Variants in CAMTA1 observed in about 807,000 individuals in gnomAD.
The protein encoded by CAMTA1 is calmodulin-binding transcription activator 1.
A neutral mutation model predicts 170.9 loss-of-function variants in CAMTA1; 27 were observed. That is an observed-to-expected ratio of 0.16 (90% CI 0.12 to 0.22). CAMTA1 has a LOEUF of 0.22. Ranked by LOEUF, CAMTA1 falls within the 10% of genes least tolerant of loss-of-function variation. CAMTA1 has a pLI of 1.00. For synonymous variants in CAMTA1, 833 were observed against 891.5 expected (o/e 0.93, Z 1.17); for missense variants, 1,619 against 2,217.2 (o/e 0.73, Z 5.42).
chr1:6,995,295 C>CTTTTCTTTTTTTTTTTTTTTTTTTTTTTT (rs1697047615), intron 3 of CAMTA1, among the ~76,000 whole-genome samples: 3 of 60,622 alleles, frequency 4.9e-5, no homozygotes, highest in Non-Finnish European at 5.8e-5. Flanking sequence ...TTTTTCTTTT[C>CTTTTCTTTTTTTTTTTTTTTTTTTTTTTT]TTTTTTTTTT....
intron 5 of CAMTA1, among the ~76,000 whole-genome samples, chr1:7,304,077 A>T (rs991191283): frequency 3.9e-5 from 3 of 76,986 alleles, no homozygotes; most frequent in Admixed American, 1.5e-4. Flanking sequence ...AGGGAGATGA[A>T]GAGTTATTGC....
chr1:7,236,843 G>A (rs556366251), intron 4 of CAMTA1, among the ~76,000 whole-genome samples: 1 of 152,342 alleles, frequency 6.6e-6, no homozygotes, highest in African/African-American at 2.4e-5. Context: ...CAGAAAGAAA[G>A]GTGCAGGTGC....
chr1:7,029,240 G>A (rs145596160), intron 3 of CAMTA1, among the ~76,000 whole-genome samples: 39 of 152,046 alleles, frequency 2.6e-4, no homozygotes, highest in Middle Eastern at 3.4e-3. Context: ...GCTGGCTCAC[G>A]CCTGTAATCC....
At chr1:6,880,846 T>C (rs751704860) in intron 3 of CAMTA1, among the ~76,000 whole-genome samples, 2 of 152,202 alleles carry the variant, frequency 1.3e-5, no homozygotes, top group Non-Finnish European at 2.9e-5. Context: ...CTGTCCTAGG[T>C]GTATCTAGAA....
intron 5 of CAMTA1, among the ~76,000 whole-genome samples, chr1:7,306,693 A>G (rs1031998931): frequency 3.3e-5 from 5 of 151,876 alleles, no homozygotes; most frequent in Admixed American, 6.6e-5. Context: ...ATTTTTATTG[A>G]TATAGTGTTA....
At chr1:7,704,018 G>GCCACCGTCCCCGC (rs1558166727) in intron 11 of CAMTA1, among the ~76,000 whole-genome samples, 1 of 151,862 alleles carries the variant, frequency 6.6e-6, no homozygotes, top group Non-Finnish European at 1.5e-5. Context: ...CGGAGCCGCC[G>GCCACCGTCCCCGC]CCACCGTCCC....
intron 4 of CAMTA1, among the ~76,000 whole-genome samples, chr1:7,103,464 T>A (rs947882790): frequency 7.8e-6 from 1 of 128,882 alleles, no homozygotes; most frequent in Non-Finnish European, 1.6e-5. Context: ...ACTACACACA[T>A]GTACACAACA....
intron 3 of CAMTA1, among the ~76,000 whole-genome samples, chr1:7,036,410 T>A (rs1367527736): frequency 6.6e-6 from 1 of 152,210 alleles, no homozygotes; most frequent in East Asian, 1.9e-4. Flanking sequence ...ATTATCATAG[T>A]GCTAACAGCT....
chr1:7,741,338 C>T (rs994927563), intron 16 of CAMTA1, among the ~76,000 whole-genome samples: 8 of 151,700 alleles, frequency 5.3e-5, no homozygotes, highest in Admixed American at 1.3e-4. Flanking sequence ...CCGAGGCGGG[C>T]GGATCACGAG....
Position 7,309,345 on chromosome 1 carries a change from G to A in CAMTA1, c.438+59719G>A, listed in dbSNP as rs981393043. Among the ~76,000 whole-genome samples, 20 of 127,782 alleles carry A rather than the reference G, an allele frequency of 1.6e-4. No individual in the cohort carries two copies. The South Asian group carries it at 1.6e-3, about 10-fold the overall frequency. The allele number at this position is 127,782 out of a possible 152,430, so 83.8% of individuals were successfully genotyped here. A position where few individuals can be genotyped will look rare whatever the true frequency, so the allele number is the denominator to read the frequency against. ...GACGGAGTCTCGCTCTGTCGCCCAG[G>A]CTGGAGTGCAGTGACACGATCTCAG... On this transcript the variant is annotated intron_variant, in intron 5 of 22. Transcript: ENST00000303635.
At chr1:7,497,029 A>G (rs891878007) in intron 6 of CAMTA1, among the ~76,000 whole-genome samples, 12 of 151,978 alleles carry the variant, frequency 7.9e-5, no homozygotes. Context: ...CTAGGGCTCG[A>G]GAAAAATAGC....
At chr1:6,841,518 G>T (rs905455802) in intron 3 of CAMTA1, among the ~76,000 whole-genome samples, 1 of 152,014 alleles carries the variant, frequency 6.6e-6, no homozygotes, top group Non-Finnish European at 1.5e-5. Flanking sequence ...ATGGGAGTGA[G>T]TTGAAGAGCC....
Position 7,456,791 on chromosome 1 carries a change from G to A in CAMTA1, c.439-11039G>A, listed in dbSNP as rs527330782. ...TGGCAGGTGCTGGGACACAGCAGGG[G>A]CCCATGTGGGCCTGGCTGAACGTCC... On this transcript the variant is annotated intron_variant, in intron 5 of 22. Coordinates refer to ENST00000303635, the MANE Select transcript of CAMTA1 (RefSeq NM_015215.4). This position sits in a 1 kb window ranked among gnomAD's most constrained non-coding sequence, Gnocchi z 4.9. 6.6e-6 allele frequency among the ~76,000 whole-genome samples: 1 copy of A among 152,358 alleles called. No individual in the cohort carries two copies. Among genetic ancestry groups the A allele is most frequent in the African/African-American group, 2.4e-5 (1 of 41,576 alleles).
At chr1:6,982,579 ACTT>A (rs1285556319) in intron 3 of CAMTA1, among the ~76,000 whole-genome samples, 2 of 152,126 alleles carry the variant, frequency 1.3e-5, no homozygotes, top group African/African-American at 4.8e-5. Context: ...GCCCTTAGCT[ACTT>A]CTTAAGTGTC....
chr1:6,950,718 C>A (rs554187988), intron 3 of CAMTA1, among the ~76,000 whole-genome samples: 1 of 152,036 alleles, frequency 6.6e-6, no homozygotes, highest in Non-Finnish European at 1.5e-5. Flanking sequence ...ACCCCCACCC[C>A]CCAGCCCCAC....
intron 3 of CAMTA1, among the ~76,000 whole-genome samples, chr1:7,031,706 AT>A (rs1248242580): frequency 4.6e-5 from 7 of 151,922 alleles, no homozygotes; most frequent in Admixed American, 4.6e-4. Context: ...TGCCCAGCTA[AT>A]TTTTTTGTAT....
Position 7,510,775 on chromosome 1 carries a change from C to T in CAMTA1, c.510+42874C>T, listed in dbSNP as rs116409828. ...CTACTGGGGACAGCAGGACCTTTGT[C>T]CTCCTGCTCCAGGATGGCTCTCTAC... On this transcript the variant is annotated intron_variant, in intron 6 of 22. Coordinates refer to ENST00000303635, the MANE Select transcript of CAMTA1 (RefSeq NM_015215.4). 1.6e-4 allele frequency among the ~76,000 whole-genome samples: 23 copies of T among 145,796 alleles called. 1 individual carries two copies. Among genetic ancestry groups the T allele is most frequent in the African/African-American group, 5.6e-4 (23 of 40,796 alleles).
intron 22 of CAMTA1, among the ~76,000 whole-genome samples, chr1:7,761,170 T>C (rs939734081): frequency 6.6e-6 from 1 of 152,208 alleles, no homozygotes; most frequent in Non-Finnish European, 1.5e-5. Context: ...GGGGAAATAC[T>C]GGGATTGTCT....
intron 3 of CAMTA1, among the ~76,000 whole-genome samples, chr1:6,897,919 C>T (rs1676010208): frequency 6.6e-6 from 1 of 152,178 alleles, no homozygotes; most frequent in South Asian, 2.1e-4. Context: ...TCTAGCCTGT[C>T]TTTTCATGGC....
Sources: gnomAD v4.1 joint callset for allele counts (sites outside exome capture counted in the v4.1 genomes callset) on GRCh38, gnomAD v4.1.1 for gene constraint, Gnocchi (gnomAD v3.1) non-coding constraint, MANE v1.5 for transcripts, NCBI Gene and HGNC (gene_info 2026-07-23, HGNC 2026-07-21) for gene names.